Variants in TACC1 observed in about 807,000 individuals in gnomAD.
The protein encoded by TACC1 is transforming acidic coiled-coil containing protein 1.
In TACC1, 48 loss-of-function variants were observed where a neutral mutation model predicts 84.4. The ratio of observed to expected loss-of-function variants is 0.57; its 90% confidence interval spans 0.45 to 0.72. The LOEUF (loss-of-function observed/expected upper bound fraction) is 0.72. TACC1 is among the 30% of genes least tolerant of loss of function. The pLI, the probability that TACC1 is intolerant of heterozygous loss-of-function variation, is 0.00. For missense variants in TACC1, 920 were observed against 973.0 expected (o/e 0.95, Z 0.72); for synonymous variants, 372 against 376.3 (o/e 0.99, Z 0.13).
At chr8:38,833,603 C>T (rs1288172494) in intron 6 of TACC1, among the ~76,000 whole-genome samples, 1 of 152,168 alleles carries the variant, frequency 6.6e-6, no homozygotes, top group East Asian at 1.9e-4. Context: ...ACCGCCTGCT[C>T]AGGATGCTGC....
chr8:38,756,015 A>G (rs915275452), intron 3 of TACC1, among the ~76,000 whole-genome samples: 2 of 151,850 alleles, frequency 1.3e-5, no homozygotes, highest in African/African-American at 4.8e-5. Context: ...GGGTTTCACC[A>G]TGTTAGTCAG....
intron 2 of TACC1, among the ~76,000 whole-genome samples, chr8:38,799,109 G>GT (rs1166075256): frequency 6.6e-6 from 1 of 152,150 alleles, no homozygotes; most frequent in Non-Finnish European, 1.5e-5. Flanking sequence ...AATCACGCTT[G>GT]TTTCCCTCCT....
upstream of TACC1, among the ~76,000 whole-genome samples, chr8:38,784,867 AAT>A (rs2151963635): frequency 6.6e-6 from 1 of 152,358 alleles, no homozygotes; most frequent in East Asian, 1.9e-4. Context: ...TATGTAAATA[AAT>A]ATGTTATATA....
At chr8:38,758,399 G>A (rs531649347) in intron 3 of TACC1, among the ~76,000 whole-genome samples, 5 of 152,182 alleles carry the variant, frequency 3.3e-5, no homozygotes, top group Admixed American at 6.5e-5. Context: ...AGCTGACGCC[G>A]GGCGTGGTTG....
chr8:38,826,391 C>G (rs1226909311), intron 4 of TACC1, among the ~76,000 whole-genome samples: 1 of 152,070 alleles, frequency 6.6e-6, no homozygotes, highest in Non-Finnish European at 1.5e-5. Flanking sequence ...AGAATTAGTG[C>G]AATAAAACAT....
intron 3 of TACC1, among the ~76,000 whole-genome samples, chr8:38,766,710 A>T (rs1202786677): frequency 6.6e-6 from 1 of 152,240 alleles, no homozygotes; most frequent in Admixed American, 6.5e-5. Flanking sequence ...TAATCCTTTC[A>T]TGGATCCCAT....
intron 3 of TACC1, among the ~76,000 whole-genome samples, chr8:38,759,787 T>G (rs1315284315): frequency 6.6e-6 from 1 of 152,202 alleles, no homozygotes; most frequent in Non-Finnish European, 1.5e-5. Context: ...GGTGAAAGAC[T>G]CTAGAAATGC....
In TACC1 at chr8:38,819,845, A is replaced by G. The variant is rs754979049; in HGVS notation, c.601A>G (p.Met201Val). The G allele has an allele frequency of 3.7e-6, 6 of 1,613,966 alleles. No individual in the cohort carries two copies. Among genetic ancestry groups the G allele is most frequent in the African/African-American group, 2.7e-5 (2 of 75,074 alleles). Residue 201 changes from methionine to valine, a missense_variant, in exon 3 of 13, where the codon ATG becomes GTG. Coordinates refer to ENST00000317827, the MANE Select transcript of TACC1 (RefSeq NM_006283.3). ...LQDEAMTEGS[M>V]GVTLEASAEA... ...GGACGAGGCGATGACAGAAGGCAGC[A>G]TGGGGGTCACCCTCGAGGCCTCCGC... is the stretch of plus-strand genomic sequence containing the variant.
chr8:38,826,952 T>G (rs1451195023), intron 4 of TACC1, among the ~76,000 whole-genome samples: 1 of 152,174 alleles, frequency 6.6e-6, no homozygotes, highest in Non-Finnish European at 1.5e-5. Context: ...GATCATTTTT[T>G]AAAACCTCAG....
intron 3 of TACC1, among the ~76,000 whole-genome samples, chr8:38,764,914 C>T (rs181468233): frequency 1.5e-4 from 23 of 152,192 alleles, no homozygotes; most frequent in Non-Finnish European, 2.5e-4. Context: ...GCCTGGCCGA[C>T]GTTGCGAAAC....
At position 38,787,692 on chromosome 8, in the gene TACC1, GCGA is replaced by G. The variant is rs1313437263; in HGVS notation, c.112_114del (p.Asp38del). 1.3e-6 allele frequency: 2 copies of G among 1,539,982 alleles called. No homozygotes were observed. Among genetic ancestry groups the G allele is most frequent in the African/African-American group, 2.8e-5 (2 of 72,124 alleles). Reference sequence around the variant, plus strand: ...GAGGACGAGGCTGGCGGGCCCGAGGGCGACCCCGAGGAGGAGGATTCGCAAGCC... The same window carrying G: ...GAGGACGAGGCTGGCGGGCCCGAGGGCCCCGAGGAGGAGGATTCGCAAGCC... On this transcript the variant is annotated inframe_deletion, in exon 1 of 13. Coordinates refer to ENST00000317827, the MANE Select transcript of TACC1 (RefSeq NM_006283.3).
At position 38,736,472 on chromosome 8, in the gene TACC1, C is replaced by T. The variant is rs560595060; in HGVS notation, c.-674-5879C>T. Among the ~76,000 whole-genome samples the T allele has an allele frequency of 3.6e-4, 54 of 152,070 alleles. 1 individual carries two copies. The highest frequency in any genetic ancestry group is 1.1e-3 in the African/African-American group (46 of 41,472). ...CTCTACAAAAAATAAAAAAATTACC[C>T]GGGCATGGTAGCACACGCCTGTAGT... On this transcript the variant is annotated intron_variant, in intron 1 of 14. Transcript: ENST00000518415.
intron 9 of TACC1, 66 bp downstream of exon 9, chr8:38,840,333 G>T (rs751265097): frequency 6.9e-7 from 1 of 1,439,070 alleles, no homozygotes; most frequent in Non-Finnish European, 9.7e-7. Flanking sequence ...GTTCAGCCTG[G>T]TATAACAAAA....
chr8:38,825,379 G>T lies in TACC1; in HGVS notation c.1452+11G>T. 1 of 1,614,118 alleles carries T rather than the reference G, an allele frequency of 6.2e-7. No individual in the cohort carries two copies. Among genetic ancestry groups the T allele is most frequent in the Non-Finnish European group, 8.5e-7 (1 of 1,179,980 alleles). On this transcript the variant is annotated intron_variant, in intron 4 of 12. Coordinates refer to ENST00000317827, the MANE Select transcript of TACC1 (RefSeq NM_006283.3). ...GATGCATGTTCTCGGGTGAGTCTGT[G>T]CCCATCTCCAGAATGTCTCTGAGAC...
In TACC1 at chr8:38,843,452, G is replaced by A. The variant is rs1031708389; in HGVS notation, c.2228+57G>A. The A allele has an allele frequency of 7.4e-6, 10 of 1,345,982 alleles. No individual in the cohort carries two copies. In the African/African-American group the frequency reaches 1.3e-4, roughly 18 times the overall value. The allele number at this position is 1,345,982 out of a possible 1,614,324, so 83.4% of individuals were successfully genotyped here. ...TCATGATGTTGTGGGAAGATTGAGA[G>A]AGGAAAACAAAATCACTGTTTCGCA... On this transcript the variant is annotated intron_variant, in intron 11 of 12. Coordinates refer to ENST00000317827, the MANE Select transcript of TACC1 (RefSeq NM_006283.3).
chr8:38,780,782 T>C (rs1398918468), intron 3 of TACC1, among the ~76,000 whole-genome samples: 1 of 152,216 alleles, frequency 6.6e-6, no homozygotes, highest in African/African-American at 2.4e-5. Flanking sequence ...ATTGCCATCT[T>C]AGCAACAGTG....
chr8:38,782,153 A>G (rs1216826116), intron 3 of TACC1, among the ~76,000 whole-genome samples: 1 of 152,012 alleles, frequency 6.6e-6, no homozygotes, highest in Non-Finnish European at 1.5e-5. Flanking sequence ...TATATCTCCC[A>G]GTGCTATCCC....
At chr8:38,834,841 CTGAT>C (rs1307223417) in intron 6 of TACC1, among the ~76,000 whole-genome samples, 1 of 152,204 alleles carries the variant, frequency 6.6e-6, no homozygotes, top group Non-Finnish European at 1.5e-5. Flanking sequence ...CAAGATGTAA[CTGAT>C]TGATTATAAT....
chr8:38,742,879 T>C (rs1807344191), intron 2 of TACC1, among the ~76,000 whole-genome samples: 1 of 152,182 alleles, frequency 6.6e-6, no homozygotes, highest in African/African-American at 2.4e-5. Flanking sequence ...CGCAACTGGC[T>C]AATTTTTGTA....
Sources: gnomAD v4.1 joint callset for allele counts (sites outside exome capture counted in the v4.1 genomes callset) on GRCh38, gnomAD v4.1.1 for gene constraint, MANE v1.5 for transcripts, NCBI Gene and HGNC (gene_info 2026-07-23, HGNC 2026-07-21) for gene names.